NCKAP1: variants seen among roughly 807,000 people sequenced by gnomAD.
NCKAP1 encodes nck-associated protein 1.
In NCKAP1, 21 loss-of-function variants were observed where a neutral mutation model predicts 151.2. That is an observed-to-expected ratio of 0.14 (90% CI 0.10 to 0.20). NCKAP1 has a LOEUF of 0.20. NCKAP1 is among the 10% of genes least tolerant of loss of function. NCKAP1 has a pLI of 1.00. For missense variants in NCKAP1, 933 were observed against 1,352.1 expected, an observed-to-expected ratio of 0.69 and a Z score of 4.86; for synonymous variants, 484 against 451.8, an observed-to-expected ratio of 1.07 and a Z score of -0.90.
chr2:182,983,860 C>A (rs1697992357), intron 10 of NCKAP1, among the ~76,000 whole-genome samples: 1 of 152,034 alleles, frequency 6.6e-6, no homozygotes, highest in Non-Finnish European at 1.5e-5. Flanking sequence ...TGACAAAACT[C>A]CGTCTCTACT....
At chr2:182,945,060 C>G (rs1455555436) in intron 23 of NCKAP1, among the ~76,000 whole-genome samples, 2 of 152,110 alleles carry the variant, frequency 1.3e-5, no homozygotes, top group Non-Finnish European at 2.9e-5. Flanking sequence ...CATGGTGAAA[C>G]ACCACCTCTA....
chr2:183,009,761 C>G (rs1698557180), intron 2 of NCKAP1, among the ~76,000 whole-genome samples: 1 of 152,134 alleles, frequency 6.6e-6, no homozygotes, highest in South Asian at 2.1e-4. Flanking sequence ...AATCAAAATA[C>G]ATTTTAGTCC....
intron 2 of NCKAP1, among the ~76,000 whole-genome samples, chr2:183,014,195 A>G (rs1698641060): frequency 6.6e-6 from 1 of 152,172 alleles, no homozygotes; most frequent in African/African-American, 2.4e-5. Flanking sequence ...GGCTCATAGA[A>G]GGCGCTCAAT....
rs1159032296 is a variant in NCKAP1, at chr2:182,948,577, ATAAT to A, written c.2601+3824_2601+3827del. ...AGGCTAAAATAGTTAAGTTTATAAAATAATTGTTAAAAGACTAGGATAAAATCTG... is the reference window on the plus strand; with the variant it reads ...AGGCTAAAATAGTTAAGTTTATAAAATGTTAAAAGACTAGGATAAAATCTG... On this transcript the variant is annotated intron_variant, in intron 23 of 30. Coordinates refer to ENST00000361354, the MANE Select transcript of NCKAP1 (RefSeq NM_013436.5). Among the ~76,000 whole-genome samples the A allele has an allele frequency of 2.6e-5, 4 of 152,310 alleles. No individual in the cohort carries two copies. In the Middle Eastern group the frequency reaches 0.01, roughly 389 times the overall value.
Position 183,037,975 on chromosome 2 carries a change from C to G in NCKAP1, c.108+17G>C. ...GGCCCGCCCGCCTCCGCCGCGGCCT[C>G]CCCGGCCCGTGCGCACCTTCTTGAT... On this transcript the variant is annotated intron_variant, in intron 1 of 30. Coordinates refer to ENST00000361354, the MANE Select transcript of NCKAP1 (RefSeq NM_013436.5). 1 of 1,568,608 alleles carries G rather than the reference C, an allele frequency of 6.4e-7. No individual in the cohort carries two copies. The highest frequency in any genetic ancestry group is 8.6e-7 in the Non-Finnish European group (1 of 1,164,520).
Position 182,911,833 on chromosome 2 carries a change from C to T in NCKAP1, c.*13869G>A, listed in dbSNP as rs1284867566. The T allele has an allele frequency of 6.6e-6, 1 of 150,726 alleles. No homozygotes were observed. Among genetic ancestry groups the T allele is most frequent in the African/African-American group, 2.4e-5 (1 of 41,284 alleles). The allele number at this position is 150,726 out of a possible 1,614,324, so 9.3% of individuals were successfully genotyped here. A position where few individuals can be genotyped will look rare whatever the true frequency, so the allele number is the denominator to read the frequency against. On this transcript the variant is annotated 3_prime_UTR_variant, in exon 31 of 31. Transcript: ENST00000361354. ...CCTCAACAAATTCAAGATGGTTATA[C>T]TTTTTAAAAAAGTTTTTCATGATTT...
intron 9 of NCKAP1, among the ~76,000 whole-genome samples, chr2:182,987,420 T>C (rs1482642832): frequency 6.6e-6 from 1 of 152,200 alleles, no homozygotes; most frequent in African/African-American, 2.4e-5. Flanking sequence ...GGTTTGATGA[T>C]AATTCATATT....
rs1184345851 is a variant in NCKAP1, at chr2:183,004,884, C to A, written c.220-1559G>T. Among the ~76,000 whole-genome samples, 460 of 136,152 alleles carry A rather than the reference C, an allele frequency of 3.4e-3. 1 individual carries two copies. Among genetic ancestry groups the A allele is most frequent in the South Asian group, 3.8e-3 (16 of 4,176 alleles). The allele number at this position is 136,152 out of a possible 152,430, so 89.3% of individuals were successfully genotyped here. ...GGGTGACAGAGATGAGACTCCATCT[C>A]AAAAAAAAAAAAAGAAAAAAGAAAA... On this transcript the variant is annotated intron_variant, in intron 2 of 30. Transcript: ENST00000361354.
intron 1 of NCKAP1, among the ~76,000 whole-genome samples, chr2:183,036,693 C>A (rs2105904345): frequency 6.6e-6 from 1 of 152,086 alleles, no homozygotes; most frequent in East Asian, 1.9e-4. Context: ...AGGTGAGCAA[C>A]CAGACTTTGT....
intron 16 of NCKAP1, among the ~76,000 whole-genome samples, chr2:182,966,398 G>C (rs1559085458): frequency 6.6e-6 from 1 of 151,724 alleles, no homozygotes; most frequent in Non-Finnish European, 1.5e-5. Context: ...CGATTCTCCT[G>C]CTTCAAGCCT....
At position 182,923,831 on chromosome 2, in the gene NCKAP1, C is replaced by T. The variant is rs368171001; in HGVS notation, c.*1871G>A. On this transcript the variant is annotated 3_prime_UTR_variant, in exon 31 of 31. Transcript: ENST00000361354. ...TACCTTTGCCACGCCTCCTCCCCCG[C>T]CTTTGCTGTATGAGAAAAAATTTGG... is the stretch of plus-strand genomic sequence containing the variant. The T allele has an allele frequency of 3.1e-4, 47 of 152,304 alleles. No individual in the cohort carries two copies. Among genetic ancestry groups the T allele is most frequent in the African/African-American group, 1.1e-3 (45 of 41,580 alleles). The allele number at this position is 152,304 out of a possible 1,614,324, so 9.4% of individuals were successfully genotyped here.
Position 183,038,423 on chromosome 2 carries a change from C to T in NCKAP1, c.-324G>A. On this transcript the variant is annotated 5_prime_UTR_variant, in exon 1 of 31. Transcript: ENST00000361354. The stretch of plus-strand genomic sequence containing the variant: ...CCGGCTGCTCCACTAGGTGTGGCGG[C>T]GGCGGCGGCGGCGGCGGCGTCTCCG... 5.2e-6 allele frequency: 1 copy of T among 191,252 alleles called. No individual in the cohort carries two copies. The highest frequency in any genetic ancestry group is 1.0e-5 in the Non-Finnish European group (1 of 97,896). 11.8% of individuals were successfully genotyped at this position (191,252 alleles called of 1,614,324 possible).
chr2:182,912,447 A>G lies in NCKAP1; in HGVS notation c.*13255T>C, dbSNP rs1162251490. 1.3e-5 allele frequency: 2 copies of G among 152,220 alleles called. No individual in the cohort carries two copies. The highest frequency in any genetic ancestry group is 2.4e-5 in the African/African-American group (1 of 41,468). 9.4% of individuals were successfully genotyped at this position (152,220 alleles called of 1,614,324 possible). Reference sequence around the variant, plus strand: ...CAATGAGATACAAGTGCCATCTTTTAGCACATTATAATAATCCTGTTGTGC... The same window carrying G: ...CAATGAGATACAAGTGCCATCTTTTGGCACATTATAATAATCCTGTTGTGC... On this transcript the variant is annotated 3_prime_UTR_variant, in exon 31 of 31. Transcript: ENST00000361354.
chr2:182,971,665 C>T (rs548617943), intron 15 of NCKAP1, among the ~76,000 whole-genome samples: 3 of 151,422 alleles, frequency 2.0e-5, no homozygotes, highest in East Asian at 3.9e-4. Context: ...GCAAAATCTA[C>T]TACAAAGCTA....
intron 16 of NCKAP1, among the ~76,000 whole-genome samples, chr2:182,965,630 C>T (rs555124802): frequency 1.3e-5 from 2 of 151,902 alleles, no homozygotes; most frequent in South Asian, 4.2e-4. Context: ...ATGTGACAGG[C>T]AAAAATAGAA....
intron 15 of NCKAP1, among the ~76,000 whole-genome samples, chr2:182,973,605 G>A (rs958917920): frequency 6.6e-6 from 1 of 152,218 alleles, no homozygotes; most frequent in South Asian, 2.1e-4. Context: ...TTCTCCCAAA[G>A]GCTTACTCTT....
In NCKAP1 at chr2:182,912,835, A is replaced by ATAGAGG. The variant is rs1696415695; in HGVS notation, c.*12866_*12867insCCTCTA. 1 of 151,072 alleles carries ATAGAGG rather than the reference A, an allele frequency of 6.6e-6. No individual in the cohort carries two copies. The highest frequency in any genetic ancestry group is 6.6e-5 in the Admixed American group (1 of 15,102). The allele number at this position is 151,072 out of a possible 1,614,324, so 9.4% of individuals were successfully genotyped here. ...CTATAGACAGATCTCAAAACCAAAG[A>ATAGAGG]AAGATAGAGGAAGAAAGGAAGGAAG... On this transcript the variant is annotated 3_prime_UTR_variant, in exon 31 of 31. Transcript: ENST00000361354.
intron 10 of NCKAP1, among the ~76,000 whole-genome samples, chr2:182,985,043 A>G (rs1218253626): frequency 6.6e-6 from 1 of 152,250 alleles, no homozygotes; most frequent in East Asian, 1.9e-4. Flanking sequence ...GAGGAATTCT[A>G]ACAAACTCCA....
intron 15 of NCKAP1, among the ~76,000 whole-genome samples, chr2:182,970,396 C>G (rs1697662537): frequency 6.6e-6 from 1 of 152,142 alleles, no homozygotes; most frequent in South Asian, 2.1e-4. Flanking sequence ...TTCAACAACA[C>G]ACTGAACAGA....
Sources: gnomAD v4.1 joint callset for allele counts (sites outside exome capture counted in the v4.1 genomes callset) on GRCh38, gnomAD v4.1.1 for gene constraint, MANE v1.5 for transcripts, NCBI Gene and HGNC (gene_info 2026-07-23, HGNC 2026-07-21) for gene names.